The following RNF126 variants were observed in gnomAD, a reference collection of about 807,000 sequenced individuals.
RNF126 encodes the protein ring finger protein 126, also known as E3 ubiquitin-protein ligase RNF126.
In RNF126, 20 loss-of-function variants were observed where a neutral mutation model predicts 41.9. The ratio of observed to expected loss-of-function variants is 0.48; its 90% CI spans 0.34 to 0.69. RNF126 has a LOEUF of 0.69. Among genes scored for constraint, RNF126 ranks in the 30% least tolerant of loss-of-function variants. The pLI, the probability that RNF126 is intolerant of heterozygous loss-of-function variation, is 0.01. For missense variants in RNF126, 433 were observed against 460.6 expected, an observed-to-expected ratio of 0.94 and a Z score of 0.55; for synonymous variants, 239 against 202.9, an observed-to-expected ratio of 1.18 and a Z score of -1.51.
Position 650,281 on chromosome 19 carries a change from G to A in RNF126, c.459C>T (p.Leu153=), listed in dbSNP as rs779848550. The A allele has an allele frequency of 8.9e-6, 14 of 1,581,378 alleles. No homozygotes were observed. Among genetic ancestry groups the A allele is most frequent in the Non-Finnish European group, 9.4e-6 (11 of 1,165,212 alleles). ...VPTLEGIIQQ[L]VNGIITPATI... is the part of the protein sequence containing the mutation. ...TGGCGGGCGTGATGATGCCGTTGAC[G>A]AGCTGCTGGATGATCCTGGAAAAGA... Residue 153 remains leucine, a synonymous_variant, in exon 5 of 9, where the codon CTC becomes CTT. Transcript: ENST00000292363.
chr19:654,781 A>G (rs2144767483), intron 1 of RNF126, among the ~76,000 whole-genome samples: 1 of 151,952 alleles, frequency 6.6e-6, no homozygotes, highest in South Asian at 2.1e-4. Context: ...AGCCTGGACA[A>G]CATGGAGAAA....
At position 663,040 on chromosome 19, in the gene RNF126, G is replaced by C; in HGVS notation, c.75+7C>G. ...CCTGCCGCCCGCCGCCCCGGCCCGG[G>C]CCTCACCGGCAGGCGCGGGACGATC... On this transcript the variant is annotated splice_region_variant and intron_variant, in intron 1 of 8. Coordinates refer to ENST00000292363, the MANE Select transcript of RNF126 (RefSeq NM_194460.3). 1 of 1,357,568 alleles carries C rather than the reference G, an allele frequency of 7.4e-7. No homozygotes were observed. The highest frequency in any genetic ancestry group is 1.6e-5 in the South Asian group (1 of 63,460). 84.1% of individuals were successfully genotyped at this position (1,357,568 alleles called of 1,614,324 possible).
intron 4 of RNF126, 98 bp downstream of exon 4, chr19:651,513 G>A: frequency 8.0e-7 from 1 of 1,254,340 alleles, no homozygotes; most frequent in African/African-American, 1.6e-5. Flanking sequence ...GCCTATGGAT[G>A]ATGCCACGTT....
At position 663,111 on chromosome 19, in the gene RNF126, G is replaced by C; in HGVS notation, c.11C>G (p.Ala4Gly). 7.6e-7 allele frequency: 1 copy of C among 1,321,692 alleles called. No homozygotes were observed. Among genetic ancestry groups the C allele is most frequent in the Non-Finnish European group, 9.7e-7 (1 of 1,029,460 alleles). The allele number at this position is 1,321,692 out of a possible 1,614,324, so 81.9% of individuals were successfully genotyped here. Residue 4 changes from alanine (A) to glycine (G), a missense_variant, in exon 1 of 9, where the codon GCG becomes GGG. Around this residue, in one of 5 missense-constraint regions of RNF126, gnomAD observed 247 missense variants for 224.7 expected, o/e 1.10. Transcript: ENST00000292363. ...GAAGTACCGTCCGGGATGCGGCGAC[G>C]CCTCGGCCATGGCCGCCGCCACCTA... The part of the protein sequence containing the change: MAE[A>G]SPHPGRYFCH...
At chr19:657,422 A>G (rs1225219115) in intron 1 of RNF126, among the ~76,000 whole-genome samples, 1 of 151,308 alleles carries the variant, frequency 6.6e-6, no homozygotes, top group Non-Finnish European at 1.5e-5. Context: ...CCACATACAC[A>G]CTCATCTGCC....
chr19:650,280 C>T lies in RNF126; in HGVS notation c.460G>A (p.Val154Ile), dbSNP rs201744899. The change falls in exon 5 of 9, where the codon GTC becomes ATC. Residue 154 changes from valine to isoleucine, a missense_variant. Transcript: ENST00000292363. ...GTGGCGGGCGTGATGATGCCGTTGA[C>T]GAGCTGCTGGATGATCCTGGAAAAG... The part of the protein sequence containing the change: ...PTLEGIIQQL[V>I]NGIITPATIP... 9.4e-5 allele frequency: 148 copies of T among 1,581,646 alleles called. No individual in the cohort carries two copies. Among genetic ancestry groups the T allele is most frequent in the Middle Eastern group, 1.7e-4 (1 of 6,036 alleles).
intron 5 of RNF126, 41 bp from the exon 6 acceptor site, chr19:649,789 T>A: frequency 6.7e-7 from 1 of 1,491,664 alleles, no homozygotes; most frequent in South Asian, 1.2e-5. Flanking sequence ...GACGGGCAGC[T>A]GGGGCAGGTG....
chr19:649,766 G>C lies in RNF126; in HGVS notation c.507-18C>G. On this transcript the variant is annotated intron_variant, in intron 5 of 8. Coordinates refer to ENST00000292363, the MANE Select transcript of RNF126 (RefSeq NM_194460.3). ...GGACTCCCCTGGAGGTGGAAGGTGG[G>C]GTTCAAGTGGCTGACGGGCAGCTGG... is the stretch of plus-strand genomic sequence containing the variant. The C allele has an allele frequency of 6.4e-7, 1 of 1,554,884 alleles. No homozygotes were observed. The highest frequency in any genetic ancestry group is 8.7e-7 in the Non-Finnish European group (1 of 1,147,284).
intron 1 of RNF126, among the ~76,000 whole-genome samples, chr19:658,503 A>G (rs1035094644): frequency 4.7e-5 from 7 of 148,600 alleles, no homozygotes; most frequent in Non-Finnish European, 8.8e-5. Context: ...CGTGCTGGCT[A>G]CTGTTTTCCT....
At chr19:650,504 AC>A (rs1304526608) in intron 4 of RNF126, 28 of 459,664 alleles carry the variant, frequency 6.1e-5, no homozygotes, top group Non-Finnish European at 1.0e-4. Context: ...TGCAGCCCCA[AC>A]CTGCTGGGCT....
chr19:663,023 C>A, intron 1 of RNF126, 24 bp downstream of exon 1: 1 of 1,306,326 alleles, frequency 7.7e-7, no homozygotes. Flanking sequence ...ACCCTGCCGC[C>A]CGCCGCCCCG....
chr19:651,582 C>T (rs775035092), intron 4 of RNF126, 29 bp downstream of exon 4: 3 of 1,393,398 alleles, frequency 2.2e-6, no homozygotes, highest in African/African-American at 3.0e-5. Context: ...GGCGTGGGGC[C>T]CTCGCGGCCA....
chr19:662,944 G>A (rs2030873921), intron 1 of RNF126, 103 bp downstream of exon 1: 2 of 445,564 alleles, frequency 4.5e-6, no homozygotes, highest in Non-Finnish European at 7.1e-6. Context: ...GTCGTGGTCA[G>A]CTCGCGCAAG....
At chr19:657,436 G>C (rs1288008183) in intron 1 of RNF126, among the ~76,000 whole-genome samples, 1 of 152,338 alleles carries the variant, frequency 6.6e-6, no homozygotes, top group South Asian at 2.1e-4. Flanking sequence ...ATCTGCCCCA[G>C]CCCTGGCCTC....
chr19:648,508 G>A (rs766223411), intron 7 of RNF126, 21 bp from the exon 8 acceptor site: 92 of 1,536,282 alleles, frequency 6.0e-5, no homozygotes, highest in South Asian at 4.5e-4. Flanking sequence ...GTGCAGCTGC[G>A]GTCACAGCGG....
rs1172427515 is a variant in RNF126 at position 647,767 on chromosome 19, G to A, written c.*361C>T. 10 of 353,050 alleles carry A rather than the reference G, an allele frequency of 2.8e-5. No homozygotes were observed. The highest frequency in any genetic ancestry group is 4.3e-5 in the South Asian group (2 of 46,576). 21.9% of individuals were successfully genotyped at this position (353,050 alleles called of 1,614,324 possible). On this transcript the variant is annotated 3_prime_UTR_variant, in exon 9 of 9. Transcript: ENST00000292363. ...CCCGTGCTTCAGCGCTGGGGGAGCC[G>A]CTGGGCCCCGTCTTCCGCCACAAAC...
At chr19:650,444 G>T in intron 4 of RNF126, 148 bp from the exon 5 acceptor site, 5 of 681,478 alleles carry the variant, frequency 7.3e-6, no homozygotes, top group South Asian at 4.0e-5. Flanking sequence ...ATGAGCCAGG[G>T]TCTCACTCTA....
At position 652,901 on chromosome 19, in the gene RNF126, G is replaced by A. The variant is rs148837267; in HGVS notation, c.76-17C>T. On this transcript the variant is annotated splice_polypyrimidine_tract_variant and intron_variant, in intron 1 of 8. Transcript: ENST00000292363. Reference sequence around the variant, plus strand: ...GATATAATCCTGCAGGAGAGAACAGGAGGCCGGGTCACGGTGACGCCGGCA... The same window carrying A: ...GATATAATCCTGCAGGAGAGAACAGAAGGCCGGGTCACGGTGACGCCGGCA... 10 of 1,611,178 alleles carry A rather than the reference G, an allele frequency of 6.2e-6. No individual in the cohort carries two copies. The East Asian group carries it at 6.7e-5, about 11-fold the overall frequency.
rs566614392 is a variant in RNF126, at chr19:656,280, G to A, written c.76-3396C>T. ...TGCCAGGATCGCTTGAACCTGGGAG[G>A]TGGAGGCTGCAGTGAGCCAAGATTG... is the stretch of plus-strand genomic sequence containing the variant. On this transcript the variant is annotated intron_variant, in intron 1 of 8. Transcript: ENST00000292363. Among the ~76,000 whole-genome samples, 4 of 152,168 alleles carry A rather than the reference G, an allele frequency of 2.6e-5. No homozygotes were observed. The South Asian group carries it at 8.3e-4, about 32-fold the overall frequency.
Sources: gnomAD v4.1 joint callset for allele counts (sites outside exome capture counted in the v4.1 genomes callset) on GRCh38, gnomAD v4.1.1 for gene constraint, gnomAD v4.1.1 regional missense constraint, MANE v1.5 for transcripts, NCBI Gene and HGNC (gene_info 2026-07-23, HGNC 2026-07-21) for gene names.